Variants in PIGF observed in about 807,000 individuals in gnomAD.
PIGF encodes GPI ethanolamine phosphate transferase, stabilizing subunit.
A neutral mutation model predicts 26.0 loss-of-function variants in PIGF; 23 were observed. The ratio of observed to expected loss-of-function variants is 0.88; its 90% CI spans 0.64 to 1.25. PIGF has a LOEUF of 1.25. Among genes scored for constraint, PIGF ranks in the 50% most tolerant of loss-of-function variants. PIGF has a pLI of 0.00. For synonymous variants in PIGF, 93 were observed against 92.6 expected, an observed-to-expected ratio of 1.00 and a Z score of -0.03; for missense variants, 278 against 249.9, an observed-to-expected ratio of 1.11 and a Z score of -0.76.
intron 4 of PIGF, among the ~76,000 whole-genome samples, chr2:46,596,891 C>A (rs1470567658): frequency 1.3e-5 from 2 of 152,228 alleles, no homozygotes; most frequent in Non-Finnish European, 2.9e-5. Flanking sequence ...CAGTGAACCA[C>A]ACAGTAAACC....
intron 4 of PIGF, among the ~76,000 whole-genome samples, chr2:46,602,011 T>C (rs1670074776): frequency 6.6e-6 from 1 of 151,262 alleles, no homozygotes; most frequent in South Asian, 2.1e-4. Flanking sequence ...GATTATTACT[T>C]TCCTTTATAA....
At chr2:46,592,004 A>T in intron 5 of PIGF, 1 of 1,282,460 alleles carries the variant, frequency 7.8e-7, no homozygotes, top group Non-Finnish European at 1.0e-6. Context: ...CAAGGGCAAT[A>T]AATATCAAAG....
intron 5 of PIGF, chr2:46,581,924 ATTTT>A (rs547692447): frequency 5.5e-6 from 1 of 183,432 alleles, no homozygotes; most frequent in Non-Finnish European, 1.1e-5. Context: ...CTAGTTGGTA[ATTTT>A]TTTTTTTTAA....
In PIGF at chr2:46,616,844, A is replaced by C. The variant is rs574175368; in HGVS notation, c.-22+126T>G. The C allele has an allele frequency of 1.2e-4, 34 of 289,272 alleles. 1 individual carries two copies. The highest frequency in any genetic ancestry group is 1.1e-3 in the South Asian group (33 of 30,598). 17.9% of individuals were successfully genotyped at this position (289,272 alleles called of 1,614,324 possible). ...TCTGTCCATCAGGGCACGCCGGAAG[A>C]GTGGCGCTGAGCTGACGGCGAGCGC... On this transcript the variant is annotated intron_variant, in intron 1 of 5. Transcript: ENST00000281382.
chr2:46,606,689 G>A (rs1670232676), intron 4 of PIGF, among the ~76,000 whole-genome samples: 1 of 152,098 alleles, frequency 6.6e-6, no homozygotes, highest in South Asian at 2.1e-4. Context: ...TTTGAACACT[G>A]GAGCTTGCTT....
Position 46,612,323 on chromosome 2 carries a change from TA to T in PIGF, c.341del (p.Leu114TyrfsTer18). 2 of 1,439,412 alleles carry T rather than the reference TA, an allele frequency of 1.4e-6. No individual in the cohort carries two copies. Among genetic ancestry groups the T allele is most frequent in the Non-Finnish European group, 1.9e-6 (2 of 1,077,420 alleles). 89.2% of individuals were successfully genotyped at this position (1,439,412 alleles called of 1,614,324 possible). Reference sequence around the variant, plus strand: ...TAAAAGTAGACAAAATAACTGCAAATAAAAATGTTTCCAATGCCAACCTAGA... The same window carrying T: ...TAAAAGTAGACAAAATAACTGCAAATAAAATGTTTCCAATGCCAACCTAGA... ...PLIELALETF[L>X]FAVILSTFTT... On this transcript the variant is annotated frameshift_variant, in exon 4 of 6. Transcript: ENST00000281382. LOFTEE classifies it high-confidence loss of function.
chr2:46,602,706 G>A (rs1670097237), intron 4 of PIGF, among the ~76,000 whole-genome samples: 1 of 151,826 alleles, frequency 6.6e-6, no homozygotes, highest in Non-Finnish European at 1.5e-5. Context: ...TTATTAATTA[G>A]AACTACAGCA....
intron 4 of PIGF, among the ~76,000 whole-genome samples, chr2:46,599,015 A>G (rs1015284716): frequency 2.4e-4 from 36 of 152,296 alleles, no homozygotes; most frequent in African/African-American, 7.7e-4. Flanking sequence ...AAATATTTCA[A>G]TATTCTGCCT....
intron 5 of PIGF, among the ~76,000 whole-genome samples, 184 bp downstream of exon 5, chr2:46,592,291 C>G (rs4953402): frequency 0.21 from 31,830 of 152,140 alleles, 3,936 homozygotes; most frequent in East Asian, 0.62. Context: ...CCAGGGCTAC[C>G]TAGACACCTG....
At chr2:46,603,146 C>A (rs1183020161) in intron 4 of PIGF, among the ~76,000 whole-genome samples, 1 of 151,834 alleles carries the variant, frequency 6.6e-6, no homozygotes, top group Non-Finnish European at 1.5e-5. Context: ...TATGAATTAA[C>A]TTCACCAAAG....
chr2:46,602,739 T>A (rs1252690744), intron 4 of PIGF, among the ~76,000 whole-genome samples: 1 of 151,960 alleles, frequency 6.6e-6, no homozygotes, highest in Non-Finnish European at 1.5e-5. Context: ...ATTGAAATTT[T>A]AATTTCTGTT....
At chr2:46,613,390 A>G (rs942203812) in intron 3 of PIGF, among the ~76,000 whole-genome samples, 1 of 152,174 alleles carries the variant, frequency 6.6e-6, no homozygotes, top group Non-Finnish European at 1.5e-5. Context: ...TACACATATA[A>G]TCATAGTAAG....
At chr2:46,602,712 C>T (rs992963669) in intron 4 of PIGF, among the ~76,000 whole-genome samples, 7 of 151,874 alleles carry the variant, frequency 4.6e-5, no homozygotes, top group African/African-American at 1.7e-4. Flanking sequence ...ATTAGAACTA[C>T]AGCATAAGAA....
chr2:46,592,548 G>T lies in PIGF; in HGVS notation c.473C>A (p.Thr158Asn). The change falls in exon 5 of 6, where the codon ACT becomes AAT. Residue 158 changes from threonine (T) to asparagine (N), a missense_variant. Thr to Asn is a moderately conservative substitution (Grantham distance 65). Coordinates refer to ENST00000281382, the MANE Select transcript of PIGF (RefSeq NM_002643.4). ...TSIWENSLQI[T>N]TISSFVGAWL... ...TGCTCCTACAAAGCTAGAAATTGTA[G>T]TGATCTGGAGACTATTCTCCCATAT... 1.2e-6 allele frequency: 2 copies of T among 1,606,030 alleles called. No individual in the cohort carries two copies. Among genetic ancestry groups the T allele is most frequent in the Middle Eastern group, 3.3e-4 (2 of 6,048 alleles).
intron 4 of PIGF, among the ~76,000 whole-genome samples, chr2:46,595,946 G>A (rs745569818): frequency 2.0e-5 from 3 of 152,136 alleles, no homozygotes; most frequent in Non-Finnish European, 4.4e-5. Flanking sequence ...TGGGTGCGGT[G>A]GCTCTCGCCT....
intron 4 of PIGF, among the ~76,000 whole-genome samples, chr2:46,606,301 C>A (rs765744861): frequency 6.6e-6 from 1 of 152,168 alleles, no homozygotes; most frequent in Non-Finnish European, 1.5e-5. Flanking sequence ...CATATCCTTC[C>A]AGAAATATAC....
chr2:46,589,710 C>A lies in PIGF; in HGVS notation c.546+2765G>T, dbSNP rs901123120. Among the ~76,000 whole-genome samples the A allele has an allele frequency of 6.6e-5, 10 of 151,918 alleles. No individual in the cohort carries two copies. Among genetic ancestry groups the A allele is most frequent in the African/African-American group, 2.4e-4 (10 of 41,392 alleles). On this transcript the variant is annotated intron_variant, in intron 5 of 5. Transcript: ENST00000281382. This position sits in a 1 kb window ranked among gnomAD's most constrained non-coding sequence, Gnocchi z 4.7. Reference sequence around the variant, plus strand: ...GATAATAAAGTGTATACTGTATTGTCTTCTCATGAAATTTTGCTCTAACAA... The same window carrying A: ...GATAATAAAGTGTATACTGTATTGTATTCTCATGAAATTTTGCTCTAACAA...
intron 4 of PIGF, among the ~76,000 whole-genome samples, chr2:46,610,825 C>T (rs534468242): frequency 1.3e-5 from 2 of 152,128 alleles, no homozygotes; most frequent in Non-Finnish European, 2.9e-5. Context: ...CCACCACACT[C>T]GTCCCAAACA....
intron 5 of PIGF, among the ~76,000 whole-genome samples, chr2:46,583,994 A>G (rs1223704696): frequency 6.6e-6 from 1 of 152,166 alleles, no homozygotes; most frequent in African/African-American, 2.4e-5. Context: ...CCACAGGTAC[A>G]TTTTAGGTTA....
Sources: allele counts gnomAD v4.1 joint callset (sites outside exome capture counted in the v4.1 genomes callset), GRCh38; gene constraint gnomAD v4.1.1; non-coding constraint Gnocchi (gnomAD v3.1); transcripts MANE v1.5; gene names NCBI Gene and HGNC (gene_info 2026-07-23, HGNC 2026-07-21).